The following DGKD variants were observed in gnomAD, a reference collection of about 807,000 sequenced individuals.
The protein encoded by DGKD is DAG kinase delta.
In DGKD, 68 loss-of-function variants were observed where a neutral mutation model predicts 154.4. That is an observed-to-expected ratio of 0.44 (90% CI 0.36 to 0.54). The LOEUF is 0.54. DGKD is among the 20% of genes least tolerant of loss of function. The probability of loss-of-function intolerance (pLI) is 0.00; values close to 1 mark genes in which losing one functional copy is unlikely to be tolerated. For synonymous variants in DGKD, 693 were observed against 638.0 expected (o/e 1.09, Z -1.30); for missense variants, 1,343 against 1,593.6 (o/e 0.84, Z 2.68).
intron 28 of DGKD, 39 bp from the exon 29 acceptor site, chr2:233,468,384 T>C (rs780993475): frequency 3.1e-6 from 5 of 1,608,982 alleles, no homozygotes; most frequent in South Asian, 2.2e-5. Flanking sequence ...CACTGGGCTC[T>C]GGGCACTCAC....
chr2:233,448,361 G>A lies in DGKD; in HGVS notation c.1600G>A (p.Val534Ile), dbSNP rs769853896. The part of the protein sequence containing the change: ...KTTESSEESE[V>I]MAKKCSVLKE... ...GACCGAGAGCTCGGAGGAGTCAGAGGTCATGGCCAAGAAGGTCTGTTCCCG... is the reference window on the plus strand; with the variant it reads ...GACCGAGAGCTCGGAGGAGTCAGAGATCATGGCCAAGAAGGTCTGTTCCCG... Residue 534 changes from valine to isoleucine, a missense_variant, in exon 14 of 30, where the codon GTC (valine) becomes ATC (isoleucine). Physicochemically the swap from Val to Ile is conservative, Grantham distance 29. Coordinates refer to ENST00000264057, the MANE Select transcript of DGKD (RefSeq NM_152879.3). 6.2e-7 allele frequency: 1 copy of A among 1,614,080 alleles called. No homozygotes were observed. Among genetic ancestry groups the A allele is most frequent in the East Asian group, 2.2e-5 (1 of 44,884 alleles).
chr2:233,390,337 G>A (rs1255805151), intron 2 of DGKD, 66 bp from the exon 3 acceptor site: 12 of 1,258,062 alleles, frequency 9.5e-6, no homozygotes, highest in African/African-American at 5.9e-5. Flanking sequence ...GGTGGGCAGC[G>A]CTGGCTAGTG....
At chr2:233,370,548 G>T (rs975570720) in intron 1 of DGKD, among the ~76,000 whole-genome samples, 1 of 143,528 alleles carries the variant, frequency 7.0e-6, no homozygotes, top group South Asian at 2.2e-4. Context: ...GCTTATTTAC[G>T]TTGTACGTTT....
At chr2:233,419,082 A>G (rs114601100) in intron 3 of DGKD, among the ~76,000 whole-genome samples, 1,560 of 152,240 alleles carry the variant, frequency 0.01, 31 homozygotes, top group African/African-American at 0.035. Context: ...TTCGGGCAGC[A>G]TCGGAACAGC....
At chr2:233,446,856 T>G (rs1367713633) in intron 12 of DGKD, 60 bp downstream of exon 12, 4 of 1,589,122 alleles carry the variant, frequency 2.5e-6, no homozygotes, top group Non-Finnish European at 3.4e-6. Flanking sequence ...AACTGTCCTG[T>G]CAGCGGTTTG....
intron 3 of DGKD, among the ~76,000 whole-genome samples, chr2:233,425,291 A>G (rs2062257035): frequency 1.3e-5 from 2 of 152,118 alleles, no homozygotes; most frequent in South Asian, 2.1e-4. Flanking sequence ...GGTTCACGCC[A>G]TTCTCCTGCC....
At chr2:233,451,127 T>C (rs1326429410) in intron 17 of DGKD, 77 bp downstream of exon 17, 6 of 1,475,512 alleles carry the variant, frequency 4.1e-6, no homozygotes. Context: ...AGAGATGGGC[T>C]CGCTGCCCTC....
intron 19 of DGKD, 74 bp downstream of exon 19, chr2:233,454,947 C>G: frequency 1.0e-6 from 1 of 965,566 alleles, no homozygotes; most frequent in Non-Finnish European, 1.6e-6. Flanking sequence ...TAGCAGATTT[C>G]TGGAGTCAGC....
At chr2:233,462,562 C>T in intron 25 of DGKD, 81 bp from the exon 26 acceptor site, 3 of 1,531,866 alleles carry the variant, frequency 2.0e-6, no homozygotes, top group South Asian at 1.1e-5. Flanking sequence ...GCATGTTCGG[C>T]CCTCCCAGTG....
chr2:233,390,613 A>G, intron 3 of DGKD, 130 bp downstream of exon 3: 1 of 681,978 alleles, frequency 1.5e-6, no homozygotes, highest in South Asian at 2.0e-5. Flanking sequence ...TGCTGGTAAA[A>G]TTTGAATTTA....
chr2:233,390,379 GTCC>G, intron 2 of DGKD, 21 bp from the exon 3 acceptor site: 2 of 1,604,110 alleles, frequency 1.2e-6, no homozygotes, highest in Non-Finnish European at 1.7e-6. Flanking sequence ...ATGTGCCTTA[GTCC>G]CTGTGTTTGT....
intron 1 of DGKD, among the ~76,000 whole-genome samples, chr2:233,361,228 A>G (rs1473962101): frequency 6.6e-6 from 1 of 152,206 alleles, no homozygotes; most frequent in Non-Finnish European, 1.5e-5. Context: ...AGCCACTTCC[A>G]AGGAATGCGC....
In DGKD at chr2:233,467,254, C is replaced by T. The variant is rs80065000; in HGVS notation, c.3424+51C>T. ...TTCTGGCCGTCCACGCCTGCTGGATCGGCCCCGTTCCCCTGGTCTCTGCTT... is the reference window on the plus strand; with the variant it reads ...TTCTGGCCGTCCACGCCTGCTGGATTGGCCCCGTTCCCCTGGTCTCTGCTT... On this transcript the variant is annotated intron_variant, in intron 28 of 29. Transcript: ENST00000264057. 80 of 1,298,926 alleles carry T rather than the reference C, an allele frequency of 6.2e-5. No homozygotes were observed. In the East Asian group the frequency reaches 1.3e-3, roughly 21 times the overall value. The allele number at this position is 1,298,926 out of a possible 1,614,324, so 80.5% of individuals were successfully genotyped here.
At chr2:233,442,196 G>T in intron 10 of DGKD, 1 of 688,436 alleles carries the variant, frequency 1.5e-6, no homozygotes, top group Non-Finnish European at 2.7e-6. Flanking sequence ...GGAGGCCCGG[G>T]GGCTCTGGCC....
Position 233,451,055 on chromosome 2 carries a change from G to A in DGKD, c.2167+5G>A, listed in dbSNP as rs1468512285. 1 of 1,598,908 alleles carries A rather than the reference G, an allele frequency of 6.3e-7. No homozygotes were observed. The highest frequency in any genetic ancestry group is 8.6e-7 in the Non-Finnish European group (1 of 1,167,484). ...ACACCAAGATCCTGTACCCAAGTGA[G>A]TGGCGGCCAGCAGGAGGGACTGGTG... On this transcript the variant is annotated splice_donor_5th_base_variant and intron_variant, in intron 17 of 29. Transcript: ENST00000264057.
At chr2:233,384,672 A>G (rs1306099442) in intron 1 of DGKD, among the ~76,000 whole-genome samples, 1 of 151,700 alleles carries the variant, frequency 6.6e-6, no homozygotes, top group Non-Finnish European at 1.5e-5. Flanking sequence ...GCCTGTGTCC[A>G]TCTCTCCCCT....
intron 3 of DGKD, among the ~76,000 whole-genome samples, chr2:233,411,227 A>G (rs2061821370): frequency 6.6e-6 from 1 of 152,196 alleles, no homozygotes; most frequent in African/African-American, 2.4e-5. Context: ...TCGCTGGATC[A>G]TATAGTAGGT....
intron 1 of DGKD, among the ~76,000 whole-genome samples, chr2:233,384,716 T>TA (rs1478733673): frequency 1.3e-5 from 2 of 152,124 alleles, no homozygotes; most frequent in Non-Finnish European, 2.9e-5. Flanking sequence ...GCTCCCCCCT[T>TA]ATGCGAGTTT....
In DGKD at chr2:233,456,904, G is replaced by A; in HGVS notation, c.2381G>A (p.Arg794Gln). Residue 794 changes from arginine to glutamine, a missense_variant, in exon 20 of 30, where the codon CGA becomes CAA. Coordinates refer to ENST00000264057, the MANE Select transcript of DGKD (RefSeq NM_152879.3). ...RDEHPEKCRSRTKNMMWYGVL... is the reference protein window; with the variant it reads ...RDEHPEKCRSQTKNMMWYGVL... ...GTCTTTGCTTCTGTTTCTAGGAGCCGAACCAAGAACATGATGTGGTATGGA... is the reference window on the plus strand; with the variant it reads ...GTCTTTGCTTCTGTTTCTAGGAGCCAAACCAAGAACATGATGTGGTATGGA... 1.2e-6 allele frequency: 2 copies of A among 1,613,870 alleles called. No homozygotes were observed. Among genetic ancestry groups the A allele is most frequent in the Non-Finnish European group, 8.5e-7 (1 of 1,179,790 alleles).
Sources: gnomAD v4.1 joint callset for allele counts (sites outside exome capture counted in the v4.1 genomes callset) on GRCh38, gnomAD v4.1.1 for gene constraint, MANE v1.5 for transcripts, NCBI Gene and HGNC (gene_info 2026-07-23, HGNC 2026-07-21) for gene names.